NAALADL2: variants seen among roughly 807,000 people sequenced by gnomAD.
The protein encoded by NAALADL2 is inactive N-acetylated-alpha-linked acidic dipeptidase-like protein 2.
Under a neutral mutation model 87.2 loss-of-function variants are expected in NAALADL2, and 76 were observed. The observed-to-expected ratio is 0.87, with a 90% CI of 0.72 to 1.05. NAALADL2 has a LOEUF of 1.05. Among genes scored for constraint, NAALADL2 ranks in the 50% least tolerant of loss-of-function variants. The probability of loss-of-function intolerance (pLI) is 0.00; values close to 1 mark genes in which losing one functional copy is unlikely to be tolerated. For synonymous variants in NAALADL2, 354 were observed against 331.0 expected (o/e 1.07, Z -0.75); for missense variants, 1,089 against 945.8 (o/e 1.15, Z -1.99).
At chr3:175,702,193 A>C (rs1739083884) in intron 11 of NAALADL2, among the ~76,000 whole-genome samples, 1 of 152,162 alleles carries the variant, frequency 6.6e-6, no homozygotes, top group African/African-American at 2.4e-5. Context: ...CTGTTCTAGT[A>C]GTTTATAGAG....
intron 13 of NAALADL2, among the ~76,000 whole-genome samples, chr3:175,780,647 A>G (rs927810842): frequency 6.6e-6 from 1 of 152,182 alleles, no homozygotes; most frequent in Non-Finnish European, 1.5e-5. Context: ...AGCAATAACA[A>G]TTGATATCAC....
At chr3:174,536,801 A>G (rs1190918188) in intron 1 of NAALADL2, 5 of 152,172 alleles carry the variant, frequency 3.3e-5, no homozygotes, top group Non-Finnish European at 7.4e-5. Context: ...TCCAGATGTC[A>G]ATTGTTTACA....
At chr3:174,847,518 A>G (rs1019423816) in intron 3 of NAALADL2, among the ~76,000 whole-genome samples, 1 of 152,198 alleles carries the variant, frequency 6.6e-6, no homozygotes, top group Non-Finnish European at 1.5e-5. Flanking sequence ...TTAGTTCCCA[A>G]CAGTTGAACA....
chr3:174,509,145 G>A (rs1160973541), intron 1 of NAALADL2, among the ~76,000 whole-genome samples: 2 of 147,816 alleles, frequency 1.4e-5, no homozygotes, highest in Non-Finnish European at 3.0e-5. Flanking sequence ...TGGCTTATGT[G>A]TCCAGTACAA....
At chr3:175,734,647 T>C (rs2150074672) in intron 11 of NAALADL2, among the ~76,000 whole-genome samples, 1 of 152,300 alleles carries the variant, frequency 6.6e-6, no homozygotes, top group Non-Finnish European at 1.5e-5. Flanking sequence ...ATGTGGAAGC[T>C]ACCAAGACTT....
At chr3:175,505,979 C>T (rs1007376021) in intron 9 of NAALADL2, among the ~76,000 whole-genome samples, 1 of 152,130 alleles carries the variant, frequency 6.6e-6, no homozygotes. Flanking sequence ...GAAACATGAA[C>T]ACCCAAGGTC....
intron 3 of NAALADL2, among the ~76,000 whole-genome samples, chr3:175,236,270 G>A (rs567498858): frequency 6.6e-6 from 1 of 152,104 alleles, no homozygotes; most frequent in Non-Finnish European, 1.5e-5. Flanking sequence ...GCCTGTAATA[G>A]CAGCACTTTG....
chr3:174,672,227 C>A (rs1181880560), intron 2 of NAALADL2, among the ~76,000 whole-genome samples: 3 of 152,016 alleles, frequency 2.0e-5, no homozygotes, highest in African/African-American at 7.2e-5. Context: ...GTTCTCTATA[C>A]TTCATACTTG....
chr3:174,664,169 A>G lies in NAALADL2; in HGVS notation c.-114-73472A>G, dbSNP rs144902025. 5.2e-3 allele frequency among the ~76,000 whole-genome samples: 797 copies of G among 152,334 alleles called. 9 individuals are homozygous for G. Among genetic ancestry groups the G allele is most frequent in the Middle Eastern group, 0.027 (8 of 294 alleles). ...AAGCAAGAAGTATACCACTGCTGAG[A>G]AAATATCAAAATCAAAAATAGTAGT... On this transcript the variant is annotated intron_variant, in intron 2 of 3. Coordinates refer to the NAALADL2 transcript ENST00000434257.
At chr3:175,272,755 G>C (rs4364172) in intron 4 of NAALADL2, among the ~76,000 whole-genome samples, 6,049 of 152,122 alleles carry the variant, frequency 0.04, 244 homozygotes, top group African/African-American at 0.095. Context: ...TATCAAATGA[G>C]ATAATTCTGG....
Position 174,670,620 on chromosome 3 carries a change from G to A in NAALADL2, c.-114-67021G>A, listed in dbSNP as rs183608914. On this transcript the variant is annotated intron_variant, in intron 2 of 3. Coordinates refer to the NAALADL2 transcript ENST00000434257. Reference sequence around the variant, plus strand: ...ATTTCTATTTAAGAAGAGATAATGAGTTATCATCAAGTCTTTTCAATCTTG... The same window carrying A: ...ATTTCTATTTAAGAAGAGATAATGAATTATCATCAAGTCTTTTCAATCTTG... Among the ~76,000 whole-genome samples the A allele has an allele frequency of 9.9e-5, 15 of 151,952 alleles. No homozygotes were observed. The East Asian group carries it at 1.5e-3, about 16-fold the overall frequency.
chr3:174,666,829 A>G (rs563546874), intron 2 of NAALADL2, among the ~76,000 whole-genome samples: 2 of 152,236 alleles, frequency 1.3e-5, no homozygotes, highest in African/African-American at 4.8e-5. Flanking sequence ...TTGAACAACA[A>G]CTTTCATTTT....
chr3:175,603,626 A>G (rs1723255320), intron 10 of NAALADL2, among the ~76,000 whole-genome samples: 1 of 152,064 alleles, frequency 6.6e-6, no homozygotes, highest in South Asian at 2.1e-4. Context: ...AGGTTTTTTC[A>G]TGTTGTAGCA....
intron 2 of NAALADL2, among the ~76,000 whole-genome samples, chr3:175,113,457 C>A (rs1231565790): frequency 6.6e-6 from 1 of 151,538 alleles, no homozygotes; most frequent in Non-Finnish European, 1.5e-5. Context: ...AGAATAACAG[C>A]ATCTGTGTCA....
In NAALADL2 at chr3:175,212,901, G is replaced by A. The variant is rs145529300; in HGVS notation, c.546-21030G>A. ...GATGCCAAGTTATTTGCAGGACAGA[G>A]TTTAGAGTTGGCTGATTTGTGCCAA... On this transcript the variant is annotated intron_variant, in intron 2 of 13. Coordinates refer to ENST00000454872, the MANE Select transcript of NAALADL2 (RefSeq NM_207015.3). Among the ~76,000 whole-genome samples the A allele has an allele frequency of 1.6e-3, 243 of 152,262 alleles. 1 individual carries two copies. The highest frequency in any genetic ancestry group is 5.6e-3 in the African/African-American group (232 of 41,568).
intron 11 of NAALADL2, among the ~76,000 whole-genome samples, chr3:175,725,826 A>G (rs907769783): frequency 3.9e-5 from 6 of 152,192 alleles, no homozygotes; most frequent in African/African-American, 1.2e-4. Context: ...GAATTAATTT[A>G]TATAAAGAAT....
intron 5 of NAALADL2, among the ~76,000 whole-genome samples, chr3:175,364,091 C>T (rs1036613789): frequency 1.4e-5 from 2 of 147,528 alleles, no homozygotes; most frequent in African/African-American, 4.9e-5. Context: ...TACCCCTGAC[C>T]AACCCATGTA....
At chr3:174,772,225 C>G (rs1043902247) in intron 3 of NAALADL2, among the ~76,000 whole-genome samples, 1 of 152,146 alleles carries the variant, frequency 6.6e-6, no homozygotes, top group African/African-American at 2.4e-5. Flanking sequence ...GGATGCTACT[C>G]TCTGTTTCTA....
Position 175,541,563 on chromosome 3 carries a change from A to G in NAALADL2, c.1654-34478A>G, listed in dbSNP as rs140946247. On this transcript the variant is annotated intron_variant, in intron 9 of 13. Transcript: ENST00000454872. The stretch of plus-strand genomic sequence containing the variant: ...TCAAAGTACAGTTTCTACTGAATTC[A>G]TATCACTTTCACACCATCATAAAGT... Among the ~76,000 whole-genome samples, 9 of 152,360 alleles carry G rather than the reference A, an allele frequency of 5.9e-5. No homozygotes were observed. In the South Asian group the frequency reaches 6.2e-4, roughly 11 times the overall value.
Sources: gnomAD v4.1 joint callset for allele counts (sites outside exome capture counted in the v4.1 genomes callset) on GRCh38, gnomAD v4.1.1 for gene constraint, MANE v1.5 for transcripts, NCBI Gene and HGNC (gene_info 2026-07-23, HGNC 2026-07-21) for gene names.